BRINP1: variants seen among roughly 807,000 people sequenced by gnomAD.
The protein encoded by BRINP1 is BMP/retinoic acid-inducible neural-specific protein 1.
Under a neutral mutation model 72.9 loss-of-function variants are expected in BRINP1, and 17 were observed. That is an observed-to-expected ratio of 0.23 (90% CI 0.16 to 0.35). BRINP1 has a LOEUF of 0.35. Ranked by LOEUF, BRINP1 falls within the 10% of genes least tolerant of loss-of-function variation. BRINP1 has a pLI of 1.00. For synonymous variants in BRINP1, 418 were observed against 378.5 expected, an observed-to-expected ratio of 1.10 and a Z score of -1.21; for missense variants, 850 against 1,001.6, an observed-to-expected ratio of 0.85 and a Z score of 2.04.
At chr9:119,323,888 A>C (rs971177703) in intron 1 of BRINP1, among the ~76,000 whole-genome samples, 6 of 152,206 alleles carry the variant, frequency 3.9e-5, no homozygotes, top group African/African-American at 1.4e-4. Context: ...ATTTGTTGTA[A>C]TATACTGAAC....
chr9:119,245,158 G>T (rs1830300658), intron 3 of BRINP1, among the ~76,000 whole-genome samples: 1 of 152,000 alleles, frequency 6.6e-6, no homozygotes, highest in Non-Finnish European at 1.5e-5. Context: ...AGACATCCAT[G>T]CAATACAAAC....
intron 1 of BRINP1, among the ~76,000 whole-genome samples, chr9:119,341,989 A>G (rs1831411052): frequency 6.6e-6 from 1 of 152,056 alleles, no homozygotes; most frequent in African/African-American, 2.4e-5. Flanking sequence ...GCTGCTCTCG[A>G]ACTCCTGACC....
At chr9:119,219,318 G>A (rs1830014381) in intron 5 of BRINP1, among the ~76,000 whole-genome samples, 1 of 152,004 alleles carries the variant, frequency 6.6e-6, no homozygotes, top group South Asian at 2.1e-4. Flanking sequence ...AATCCTCCTT[G>A]AATAGCACCA....
chr9:119,248,676 A>T (rs956707996), intron 3 of BRINP1, among the ~76,000 whole-genome samples: 10 of 152,240 alleles, frequency 6.6e-5, no homozygotes, highest in South Asian at 6.2e-4. Context: ...TGAGAAAATG[A>T]TCAGATTAGG....
chr9:119,262,956 G>T (rs1378227081), intron 2 of BRINP1, among the ~76,000 whole-genome samples: 3 of 152,182 alleles, frequency 2.0e-5, no homozygotes, highest in Non-Finnish European at 4.4e-5. Context: ...TATAGACAAA[G>T]AATGTACATT....
chr9:119,333,308 A>G (rs1226439287), intron 1 of BRINP1, among the ~76,000 whole-genome samples: 2 of 151,692 alleles, frequency 1.3e-5, no homozygotes. Flanking sequence ...CAAAAATACA[A>G]AAAAATTAGC....
intron 2 of BRINP1, among the ~76,000 whole-genome samples, chr9:119,287,731 T>A (rs1424711667): frequency 1.3e-5 from 2 of 152,326 alleles, no homozygotes; most frequent in African/African-American, 4.8e-5. Context: ...TCCAGCCCAT[T>A]GTTTATCTGC....
At position 119,233,427 on chromosome 9, in the gene BRINP1, A is replaced by G. The variant is rs78237022; in HGVS notation, c.685+5228T>C. Among the ~76,000 whole-genome samples the G allele has an allele frequency of 8.3e-3, 1,256 of 151,812 alleles. 9 individuals carry two copies. Among genetic ancestry groups the G allele is most frequent in the Middle Eastern group, 0.038 (11 of 292 alleles). Reference sequence around the variant, plus strand: ...ATAAATAAGCAAAAATAAATCTAATAAAAATAAATTAGCACAATCTCTGGC... The same window carrying G: ...ATAAATAAGCAAAAATAAATCTAATGAAAATAAATTAGCACAATCTCTGGC... On this transcript the variant is annotated intron_variant, in intron 5 of 7. Coordinates refer to ENST00000265922, the MANE Select transcript of BRINP1 (RefSeq NM_014618.3).
At position 119,263,499 on chromosome 9, in the gene BRINP1, C is replaced by T. The variant is rs145948661; in HGVS notation, c.219-14349G>A. ...CAGCTGGCAATGATTTTATTGTCCT[C>T]ACTCTCCACTAGACAGTTACCTCCA... On this transcript the variant is annotated intron_variant, in intron 2 of 7. Transcript: ENST00000265922. Among the ~76,000 whole-genome samples the T allele has an allele frequency of 1.5e-3, 226 of 151,988 alleles. 1 individual carries two copies. The highest frequency in any genetic ancestry group is 5.2e-3 in the African/African-American group (217 of 41,472).
chr9:119,176,478 A>G (rs1370776389), intron 7 of BRINP1, among the ~76,000 whole-genome samples: 1 of 152,184 alleles, frequency 6.6e-6, no homozygotes, highest in African/African-American at 2.4e-5. Flanking sequence ...AGTAGAGCCT[A>G]ATGTTGAAAA....
chr9:119,206,871 C>T (rs541408541), intron 7 of BRINP1, among the ~76,000 whole-genome samples: 2 of 152,234 alleles, frequency 1.3e-5, no homozygotes, highest in South Asian at 2.1e-4. Flanking sequence ...CTGTTGTGCT[C>T]GACAAGAAAG....
At chr9:119,269,268 TG>T (rs1299640573) in intron 2 of BRINP1, among the ~76,000 whole-genome samples, 2 of 152,266 alleles carry the variant, frequency 1.3e-5, no homozygotes, top group African/African-American at 4.8e-5. Flanking sequence ...TCAAACACTG[TG>T]AAATTATCAA....
chr9:119,319,101 C>A (rs1009043219), intron 1 of BRINP1, among the ~76,000 whole-genome samples: 2 of 152,136 alleles, frequency 1.3e-5, no homozygotes, highest in South Asian at 4.2e-4. Context: ...ATACGGGACC[C>A]CACATGTCAA....
intron 2 of BRINP1, among the ~76,000 whole-genome samples, chr9:119,290,004 AT>A (rs1283289692): frequency 6.6e-6 from 1 of 152,224 alleles, no homozygotes; most frequent in Non-Finnish European, 1.5e-5. Context: ...TCCTTCAATA[AT>A]TAAATCAGGA....
chr9:119,303,192 G>A (rs1306057033), intron 2 of BRINP1, among the ~76,000 whole-genome samples: 3 of 151,982 alleles, frequency 2.0e-5, no homozygotes, highest in Admixed American at 6.6e-5. Flanking sequence ...AGTGCTCAGC[G>A]ACGGAAGCTG....
intron 7 of BRINP1, among the ~76,000 whole-genome samples, chr9:119,205,159 T>G (rs984558051): frequency 6.6e-6 from 1 of 152,124 alleles, no homozygotes; most frequent in Non-Finnish European, 1.5e-5. Context: ...AAGCCTCAGA[T>G]TCAGATGTCA....
At chr9:119,353,215 A>G (rs1564255585) in intron 1 of BRINP1, among the ~76,000 whole-genome samples, 1 of 151,982 alleles carries the variant, frequency 6.6e-6, no homozygotes, top group Non-Finnish European at 1.5e-5. Context: ...CTCTCAATAA[A>G]TATTGAGCTT....
intron 5 of BRINP1, among the ~76,000 whole-genome samples, chr9:119,222,929 A>G (rs909818409): frequency 6.6e-6 from 1 of 152,074 alleles, no homozygotes; most frequent in African/African-American, 2.4e-5. Flanking sequence ...CACAGAAGTC[A>G]TGATACAAAC....
At chr9:119,169,609 C>A (rs961844610) in intron 7 of BRINP1, among the ~76,000 whole-genome samples, 380 of 152,338 alleles carry the variant, frequency 2.5e-3, no homozygotes, top group Non-Finnish European at 3.9e-3. Flanking sequence ...CCGGGAAGCT[C>A]GAACTGGGTG....
Sources: allele counts gnomAD v4.1 joint callset (sites outside exome capture counted in the v4.1 genomes callset), GRCh38; gene constraint gnomAD v4.1.1; transcripts MANE v1.5; gene names NCBI Gene and HGNC (gene_info 2026-07-23, HGNC 2026-07-21).